Variants in TFDP1 observed in about 807,000 individuals in gnomAD.
The protein encoded by TFDP1 is transcription factor Dp-1.
In TFDP1, 6 loss-of-function variants were observed where a neutral mutation model predicts 48.0. The ratio of observed to expected loss-of-function variants is 0.13; its 90% CI spans 0.07 to 0.25. The LOEUF is 0.25. TFDP1 is among the 10% of genes least tolerant of loss of function. The pLI, the probability that TFDP1 is intolerant of heterozygous loss-of-function variation, is 1.00. For missense variants in TFDP1, 335 were observed against 543.0 expected, an observed-to-expected ratio of 0.62 and a Z score of 3.81; for synonymous variants, 201 against 211.6, an observed-to-expected ratio of 0.95 and a Z score of 0.44.
At chr13:113,616,428 A>C (rs571351122) in intron 3 of TFDP1, among the ~76,000 whole-genome samples, 1 of 152,216 alleles carries the variant, frequency 6.6e-6, no homozygotes, top group Admixed American at 6.5e-5. Flanking sequence ...AAATCCGTGG[A>C]GAGCGCTCAG....
chr13:113,602,068 A>G (rs1425412958), intron 2 of TFDP1, among the ~76,000 whole-genome samples: 1 of 151,344 alleles, frequency 6.6e-6, no homozygotes, highest in Non-Finnish European at 1.5e-5. Context: ...AGTTACCCAC[A>G]GCAGTCGAGG....
At chr13:113,609,206 C>T (rs1356495630) in intron 2 of TFDP1, among the ~76,000 whole-genome samples, 3 of 152,240 alleles carry the variant, frequency 2.0e-5, no homozygotes, top group Non-Finnish European at 4.4e-5. Flanking sequence ...TTGCGTCACA[C>T]GCCGTCTGTG....
At chr13:113,587,107 AATGG>A (rs1167934760) in intron 2 of TFDP1, among the ~76,000 whole-genome samples, 2 of 152,086 alleles carry the variant, frequency 1.3e-5, no homozygotes, top group African/African-American at 4.8e-5. Context: ...TTTGATACAT[AATGG>A]ATGGTGTTTT....
chr13:113,637,644 C>G (rs745956041), intron 10 of TFDP1, 174 bp from the exon 11 acceptor site: 2 of 1,537,806 alleles, frequency 1.3e-6, no homozygotes, highest in Non-Finnish European at 1.7e-6. Context: ...TGTGACTGCA[C>G]AGCGGGATGT....
At chr13:113,594,042 AC>A (rs2048219869) in intron 2 of TFDP1, among the ~76,000 whole-genome samples, 1 of 119,508 alleles carries the variant, frequency 8.4e-6, no homozygotes. Context: ...GTCCTCACCC[AC>A]CCAGGTGACA....
chr13:113,616,381 C>T (rs954065142), intron 3 of TFDP1, among the ~76,000 whole-genome samples: 1 of 152,128 alleles, frequency 6.6e-6, no homozygotes, highest in East Asian at 1.9e-4. Flanking sequence ...TATTTGCTGC[C>T]GTTTTCTCGT....
At chr13:113,635,433 G>T (rs1421594517) in intron 8 of TFDP1, among the ~76,000 whole-genome samples, 1 of 152,186 alleles carries the variant, frequency 6.6e-6, no homozygotes, top group East Asian at 1.9e-4. Context: ...GGAATCTCCT[G>T]GCTCTACATT....
chr13:113,620,486 T>C (rs2048971124), intron 3 of TFDP1, among the ~76,000 whole-genome samples: 1 of 152,266 alleles, frequency 6.6e-6, no homozygotes, highest in African/African-American at 2.4e-5. Flanking sequence ...TAAAAGATGT[T>C]ATCTTTGTAA....
intron 3 of TFDP1, among the ~76,000 whole-genome samples, chr13:113,613,196 A>G (rs1187588495): frequency 1.3e-5 from 2 of 152,138 alleles, no homozygotes; most frequent in Non-Finnish European, 2.9e-5. Flanking sequence ...TTGTATTTTT[A>G]GTAGAGATGG....
intron 3 of TFDP1, among the ~76,000 whole-genome samples, chr13:113,614,621 C>CCCTGGT (rs2048811579): frequency 6.6e-6 from 1 of 152,216 alleles, no homozygotes; most frequent in Non-Finnish European, 1.5e-5. Flanking sequence ...GGGCCCCTGG[C>CCCTGGT]CCTGGTCCTG....
intron 2 of TFDP1, among the ~76,000 whole-genome samples, chr13:113,597,082 G>A (rs1053393831): frequency 2.6e-5 from 4 of 152,258 alleles, no homozygotes; most frequent in South Asian, 2.1e-4. Flanking sequence ...TCTGGCCGGG[G>A]TTGCCGCTCC....
intron 2 of TFDP1, among the ~76,000 whole-genome samples, chr13:113,593,373 G>T (rs1221448590): frequency 7.9e-6 from 1 of 127,174 alleles, no homozygotes; most frequent in Non-Finnish European, 1.6e-5. Flanking sequence ...TCCTCACCCT[G>T]CCCAGGTGAC....
At chr13:113,586,425 A>G (rs1451590572) in intron 2 of TFDP1, among the ~76,000 whole-genome samples, 3 of 152,066 alleles carry the variant, frequency 2.0e-5, no homozygotes, top group Non-Finnish European at 4.4e-5. Flanking sequence ...AGTTGTCATG[A>G]AACTATAGAA....
chr13:113,641,441 T>C lies in TFDP1; in HGVS notation c.*1174T>C, dbSNP rs1275388802. On this transcript the variant is annotated 3_prime_UTR_variant, in exon 12 of 12. Transcript: ENST00000375370. ...TGTTTAACTTGGCACTGTTAGTTTT[T>C]ATTAATAAAACGCGCATGGGCATTT... The C allele has an allele frequency of 1.3e-5, 2 of 152,266 alleles. No homozygotes were observed. Among genetic ancestry groups the C allele is most frequent in the Non-Finnish European group, 2.9e-5 (2 of 68,046 alleles). The allele number at this position is 152,266 out of a possible 1,614,324, so 9.4% of individuals were successfully genotyped here. A position where few individuals can be genotyped will look rare whatever the true frequency, so the allele number is the denominator to read the frequency against.
In TFDP1 at chr13:113,636,781, G is replaced by A. The variant is rs868273237; in HGVS notation, c.1006+81G>A. On this transcript the variant is annotated intron_variant, in intron 10 of 11. Transcript: ENST00000375370. ...CGACGGTGCCCTCCCCTCCCGGCTC[G>A]GGATGTGTCTTGCTGAGATCAGGCC... The A allele has an allele frequency of 3.9e-5, 59 of 1,501,190 alleles. 1 individual carries two copies. In the Middle Eastern group the frequency reaches 3.7e-3, roughly 93 times the overall value. 93.0% of individuals were successfully genotyped at this position (1,501,190 alleles called of 1,614,324 possible).
rs1390199190 is a variant in TFDP1, at chr13:113,626,089, G to A, written c.186+2803G>A. ...CTCAGGTGTCTCTCACGTGTCCTCAGGTGTTTCTCAGGTGTCTCTCACGTG... is the reference window on the plus strand; with the variant it reads ...CTCAGGTGTCTCTCACGTGTCCTCAAGTGTTTCTCAGGTGTCTCTCACGTG... On this transcript the variant is annotated intron_variant, in intron 4 of 11. Coordinates refer to ENST00000375370, the MANE Select transcript of TFDP1 (RefSeq NM_007111.5). 4.5e-5 allele frequency among the ~76,000 whole-genome samples: 5 copies of A among 110,048 alleles called. No homozygotes were observed. In the East Asian group the frequency reaches 1.0e-3, roughly 23 times the overall value. 72.2% of individuals were successfully genotyped at this position (110,048 alleles called of 152,430 possible). A position where few individuals can be genotyped will look rare whatever the true frequency, so the allele number is the denominator to read the frequency against.
At chr13:113,613,248 T>C (rs1012938023) in intron 3 of TFDP1, among the ~76,000 whole-genome samples, 2 of 152,232 alleles carry the variant, frequency 1.3e-5, no homozygotes, top group African/African-American at 2.4e-5. Flanking sequence ...ACTCCTGACA[T>C]CATGATCCGC....
intron 3 of TFDP1, among the ~76,000 whole-genome samples, chr13:113,622,779 A>G (rs1387183711): frequency 6.6e-6 from 1 of 152,262 alleles, no homozygotes; most frequent in Non-Finnish European, 1.5e-5. Flanking sequence ...GTGGATTATC[A>G]GATTTCCAAA....
intron 2 of TFDP1, among the ~76,000 whole-genome samples, chr13:113,595,024 C>G (rs1176492440): frequency 6.6e-6 from 1 of 152,182 alleles, no homozygotes; most frequent in Non-Finnish European, 1.5e-5. Context: ...CCTTCTGTTT[C>G]TAATCTTTTC....
Sources: gnomAD v4.1 joint callset for allele counts (sites outside exome capture counted in the v4.1 genomes callset) on GRCh38, gnomAD v4.1.1 for gene constraint, MANE v1.5 for transcripts, NCBI Gene and HGNC (gene_info 2026-07-23, HGNC 2026-07-21) for gene names.